PCDHB14: variants seen among roughly 807,000 people sequenced by gnomAD.
The protein encoded by PCDHB14 is protocadherin beta-14.
For synonymous variants in PCDHB14, 511 were observed against 441.5 expected (o/e 1.16, Z -1.97); for missense variants, 1,129 against 1,000.5 (o/e 1.13, Z -1.73).
In PCDHB14 at chr5:141,224,212, A is replaced by C; in HGVS notation, c.707A>C (p.Asn236Thr). 6.2e-7 allele frequency: 1 copy of C among 1,613,908 alleles called. No individual in the cohort carries two copies. The highest frequency in any genetic ancestry group is 1.7e-5 in the Admixed American group (1 of 60,010). ...TLVLIKVLDINDNAPEFPQSL... is the reference protein window; with the variant it reads ...TLVLIKVLDITDNAPEFPQSL... ...GTTCTCATCAAGGTGTTGGACATCA[A>C]TGATAATGCCCCTGAGTTTCCTCAG... Residue 236 changes from asparagine to threonine, a missense_variant, in exon 1 of 1, where the codon AAT (asparagine) becomes ACT (threonine). Physicochemically the swap from Asn to Thr is moderately conservative, Grantham distance 65. Transcript: ENST00000239449.
In PCDHB14 at chr5:141,224,740, A is replaced by C; in HGVS notation, c.1235A>C (p.Glu412Ala). 6.2e-7 allele frequency: 1 copy of C among 1,614,196 alleles called. No individual in the cohort carries two copies. Among genetic ancestry groups the C allele is most frequent in the South Asian group, 1.1e-5 (1 of 91,076 alleles). Residue 412 changes from glutamate to alanine, a missense_variant, in exon 1 of 1, where the codon GAG becomes GCG. Transcript: ENST00000239449. ...TLVSEKALDRESQAEYNITIT... is the reference protein window; with the variant it reads ...TLVSEKALDRASQAEYNITIT... Reference sequence around the variant, plus strand: ...GTTTCTGAAAAAGCACTGGACAGAGAGAGCCAAGCCGAGTACAACATCACG... The same window carrying C: ...GTTTCTGAAAAAGCACTGGACAGAGCGAGCCAAGCCGAGTACAACATCACG...
At position 141,223,541 on chromosome 5, in the gene PCDHB14, G is replaced by A; in HGVS notation, c.36G>A (p.Arg12=). 2 of 1,613,282 alleles carry A rather than the reference G, an allele frequency of 1.2e-6. No individual in the cohort carries two copies. The highest frequency in any genetic ancestry group is 1.7e-5 in the Admixed American group (1 of 59,964). Residue 12 remains arginine (R), a synonymous_variant, in exon 1 of 1, where the codon AGG becomes AGA. Transcript: ENST00000239449. The part of the protein sequence containing the change: ...EIRGALDLRK[R]QVLIFLVLLG... ...GAGGGGCACTCGATCTGCGAAAAAG[G>A]CAAGTTCTAATATTCCTTGTTTTGC... is the stretch of plus-strand genomic sequence containing the variant.
chr5:141,224,637 A>G lies in PCDHB14; in HGVS notation c.1132A>G (p.Asn378Asp). ...FSILDQDSGDNGRMICSIQDN... is the reference protein window; with the variant it reads ...FSILDQDSGDDGRMICSIQDN... Reference sequence around the variant, plus strand: ...TATCCTAGACCAAGACTCTGGAGACAATGGGAGGATGATTTGCTCTATTCA... The same window carrying G: ...TATCCTAGACCAAGACTCTGGAGACGATGGGAGGATGATTTGCTCTATTCA... The change falls in exon 1 of 1, where the codon AAT becomes GAT. Residue 378 changes from asparagine (N) to aspartate (D), a missense_variant. Coordinates refer to ENST00000239449, the MANE Select transcript of PCDHB14 (RefSeq NM_018934.4). 1 of 1,614,178 alleles carries G rather than the reference A, an allele frequency of 6.2e-7. No homozygotes were observed. The highest frequency in any genetic ancestry group is 8.5e-7 in the Non-Finnish European group (1 of 1,180,030).
Position 141,227,471 on chromosome 5 carries a change from T to C in PCDHB14, c.*1569T>C, listed in dbSNP as rs1014670682. The C allele has an allele frequency of 2.0e-5, 3 of 152,188 alleles. No homozygotes were observed. Among genetic ancestry groups the C allele is most frequent in the Non-Finnish European group, 4.4e-5 (3 of 68,020 alleles). The allele number at this position is 152,188 out of a possible 1,614,324, so 9.4% of individuals were successfully genotyped here. Reference sequence around the variant, plus strand: ...CTCTAAAAGAAAGTTCTATAGAAGATTATAGATAGAGATTTTGATAACTGG... The same window carrying C: ...CTCTAAAAGAAAGTTCTATAGAAGACTATAGATAGAGATTTTGATAACTGG... On this transcript the variant is annotated 3_prime_UTR_variant, in exon 1 of 1. Coordinates refer to ENST00000239449, the MANE Select transcript of PCDHB14 (RefSeq NM_018934.4).
chr5:141,225,738 C>G lies in PCDHB14; in HGVS notation c.2233C>G (p.Leu745Val). The G allele has an allele frequency of 6.2e-7, 1 of 1,614,216 alleles. No individual in the cohort carries two copies. Among genetic ancestry groups the G allele is most frequent in the Non-Finnish European group, 8.5e-7 (1 of 1,180,040 alleles). ...HLVDVSGTGT[L>V]SQSYQYEVCL... ...GGTGGACGTGAGCGGCACCGGGACCCTGTCCCAGAGCTACCAATACGAGGT... is the reference window on the plus strand; with the variant it reads ...GGTGGACGTGAGCGGCACCGGGACCGTGTCCCAGAGCTACCAATACGAGGT... Residue 745 changes from leucine (L) to valine (V), a missense_variant, in exon 1 of 1, where the codon CTG becomes GTG. By Grantham distance (32) the Leu-to-Val change is conservative. Transcript: ENST00000239449.
Position 141,224,330 on chromosome 5 carries a change from A to G in PCDHB14, c.825A>G (p.Gly275=). ...AGGATCTGGATGCAGGAAACTATGG[A>G]AAAATATCTTACACATTTTTCCATG... is the stretch of plus-strand genomic sequence containing the variant. ...SAKDLDAGNY[G]KISYTFFHAS... is the part of the protein sequence containing the mutation. The change falls in exon 1 of 1, where the codon GGA becomes GGG. Residue 275 remains glycine (G), a synonymous_variant. Transcript: ENST00000239449. 3.1e-6 allele frequency: 5 copies of G among 1,613,452 alleles called. No homozygotes were observed. Among genetic ancestry groups the G allele is most frequent in the Non-Finnish European group, 4.2e-6 (5 of 1,179,800 alleles).
chr5:141,225,975 T>C lies in PCDHB14; in HGVS notation c.*73T>C, dbSNP rs1754853168. On this transcript the variant is annotated 3_prime_UTR_variant, in exon 1 of 1. Transcript: ENST00000239449. ...ATGGTACTTTTTGCATAATCTTTTG[T>C]GGATTCTTGGTTGTACTGTAGTTGC... 1 of 1,373,314 alleles carries C rather than the reference T, an allele frequency of 7.3e-7. No individual in the cohort carries two copies. 85.1% of individuals were successfully genotyped at this position (1,373,314 alleles called of 1,614,324 possible).
chr5:141,224,664 G>C lies in PCDHB14; in HGVS notation c.1159G>C (p.Asp387His). 2 of 1,614,124 alleles carry C rather than the reference G, an allele frequency of 1.2e-6. No individual in the cohort carries two copies. Among genetic ancestry groups the C allele is most frequent in the East Asian group, 2.2e-5 (1 of 44,868 alleles). The change falls in exon 1 of 1, where the codon GAT (aspartate) becomes CAT (histidine). Residue 387 changes from aspartate to histidine, a missense_variant. By Grantham distance (81) the Asp-to-His change is moderately conservative. Coordinates refer to ENST00000239449, the MANE Select transcript of PCDHB14 (RefSeq NM_018934.4). ...TGGGAGGATGATTTGCTCTATTCAA[G>C]ATAACCTCCCTTTTTTCCTGAAACC... ...DNGRMICSIQDNLPFFLKPTF... is the reference protein window; with the variant it reads ...DNGRMICSIQHNLPFFLKPTF...
chr5:141,224,437 T>A lies in PCDHB14; in HGVS notation c.932T>A (p.Val311Glu). ...VNLRSPLDFEVIQSYTINIQA... is the reference protein window; with the variant it reads ...VNLRSPLDFEEIQSYTINIQA... ...TTGAGATCACCCCTGGATTTTGAAG[T>A]AATACAGTCCTACACTATAAATATT... The change falls in exon 1 of 1, where the codon GTA becomes GAA. Residue 311 changes from valine (V) to glutamate (E), a missense_variant. Val to Glu is a moderately radical substitution (Grantham distance 121, BLOSUM62 -2). Coordinates refer to ENST00000239449, the MANE Select transcript of PCDHB14 (RefSeq NM_018934.4). 1 of 1,608,530 alleles carries A rather than the reference T, an allele frequency of 6.2e-7. No individual in the cohort carries two copies. Among genetic ancestry groups the A allele is most frequent in the Non-Finnish European group, 8.5e-7 (1 of 1,177,888 alleles).
Position 141,225,213 on chromosome 5 carries a change from G to A in PCDHB14, c.1708G>A (p.Ala570Thr), listed in dbSNP as rs782091970. The change falls in exon 1 of 1, where the codon GCG becomes ACG. Residue 570 changes from alanine to threonine, a missense_variant. Transcript: ENST00000239449. ...FVLYPLQNGSAPCTELVPRAA... is the reference protein window; with the variant it reads ...FVLYPLQNGSTPCTELVPRAA... ...GCTGTACCCGCTGCAGAACGGCTCC[G>A]CGCCCTGCACCGAGCTGGTGCCCCG... 10 of 1,605,770 alleles carry A rather than the reference G, an allele frequency of 6.2e-6. No homozygotes were observed. The highest frequency in any genetic ancestry group is 1.7e-5 in the Admixed American group (1 of 59,818).
rs1263648848 is a variant in PCDHB14 at position 141,226,164 on chromosome 5, T to C, written c.*262T>C. ...TATTTTTGCTGTGATAATGGTATTATGCAAGACCATATTCTCAATTATTTG... is the reference window on the plus strand; with the variant it reads ...TATTTTTGCTGTGATAATGGTATTACGCAAGACCATATTCTCAATTATTTG... On this transcript the variant is annotated 3_prime_UTR_variant, in exon 1 of 1. Coordinates refer to ENST00000239449, the MANE Select transcript of PCDHB14 (RefSeq NM_018934.4). The C allele has an allele frequency of 1.4e-5, 6 of 418,434 alleles. No individual in the cohort carries two copies. The Admixed American group carries it at 1.7e-4, about 12-fold the overall frequency. The allele number at this position is 418,434 out of a possible 1,614,324, so 25.9% of individuals were successfully genotyped here. A position where few individuals can be genotyped will look rare whatever the true frequency, so the allele number is the denominator to read the frequency against.
In PCDHB14 at chr5:141,225,732, G is replaced by A. The variant is rs782445048; in HGVS notation, c.2227G>A (p.Gly743Arg). The A allele has an allele frequency of 7.4e-6, 12 of 1,614,118 alleles. No individual in the cohort carries two copies. In the South Asian group the frequency reaches 8.8e-5, roughly 12 times the overall value. Residue 743 changes from glycine to arginine, a missense_variant, in exon 1 of 1, where the codon GGG becomes AGG. Physicochemically the swap from Gly to Arg is moderately radical, Grantham distance 125. Transcript: ENST00000239449. ...GCATCTGGTGGACGTGAGCGGCACC[G>A]GGACCCTGTCCCAGAGCTACCAATA... ...PGHLVDVSGT[G>R]TLSQSYQYEV... is the part of the protein sequence containing the mutation.
chr5:141,225,320 G>A lies in PCDHB14; in HGVS notation c.1815G>A (p.Gln605=). The A allele has an allele frequency of 6.2e-7, 1 of 1,600,944 alleles. No homozygotes were observed. Among genetic ancestry groups the A allele is most frequent in the Non-Finnish European group, 8.5e-7 (1 of 1,178,610 alleles). ...DSGQNAWLSY[Q]LLKATEPGLF... is the part of the protein sequence containing the mutation. The stretch of plus-strand genomic sequence containing the variant: ...GCCAGAACGCCTGGCTGTCGTACCA[G>A]CTGCTCAAGGCCACGGAGCCCGGGC... Residue 605 remains glutamine (Q), a synonymous_variant, in exon 1 of 1, where the codon CAG becomes CAA. Coordinates refer to ENST00000239449, the MANE Select transcript of PCDHB14 (RefSeq NM_018934.4).
In PCDHB14 at chr5:141,224,403, GAAGTT is replaced by G. The variant is rs1563999232; in HGVS notation, c.901_905del (p.Val301PhefsTer8). 1 of 1,606,956 alleles carries G rather than the reference GAAGTT, an allele frequency of 6.2e-7. No individual in the cohort carries two copies. Among genetic ancestry groups the G allele is most frequent in the East Asian group, 2.2e-5 (1 of 44,856 alleles). On this transcript the variant is annotated frameshift_variant, in exon 1 of 1. Coordinates refer to ENST00000239449, the MANE Select transcript of PCDHB14 (RefSeq NM_018934.4). LOFTEE classifies it low-confidence loss of function (END_TRUNC). The stretch of plus-strand genomic sequence containing the variant: ...ATTTGAAATTAATCCAATATCTGGG[GAAGTT>G]AATTTGAGATCACCCCTGGATTTTG...
chr5:141,224,528 C>T lies in PCDHB14; in HGVS notation c.1023C>T (p.Asn341=). The T allele has an allele frequency of 1.2e-6, 2 of 1,612,634 alleles. No individual in the cohort carries two copies. Among genetic ancestry groups the T allele is most frequent in the Non-Finnish European group, 1.7e-6 (2 of 1,179,642 alleles). ...TTCTAGTTAAAGTTATGGATATAAACGACAACCCACCAGAAGTGACCATAT... is the reference window on the plus strand; with the variant it reads ...TTCTAGTTAAAGTTATGGATATAAATGACAACCCACCAGAAGTGACCATAT... ...CTLLVKVMDI[N]DNPPEVTISS... The change falls in exon 1 of 1, where the codon AAC becomes AAT. Residue 341 remains asparagine, a synonymous_variant. Coordinates refer to ENST00000239449, the MANE Select transcript of PCDHB14 (RefSeq NM_018934.4).
Position 141,226,000 on chromosome 5 carries a change from C to A in PCDHB14, c.*98C>A. ...TGGATTCTTGGTTGTACTGTAGTTG[C>A]ATGCATGATTATAGCTCTTGTTTTT... On this transcript the variant is annotated 3_prime_UTR_variant, in exon 1 of 1. Coordinates refer to ENST00000239449, the MANE Select transcript of PCDHB14 (RefSeq NM_018934.4). The A allele has an allele frequency of 1.9e-6, 2 of 1,072,622 alleles. No individual in the cohort carries two copies. Among genetic ancestry groups the A allele is most frequent in the Non-Finnish European group, 2.7e-6 (2 of 735,610 alleles). 66.4% of individuals were successfully genotyped at this position (1,072,622 alleles called of 1,614,324 possible).
Position 141,224,639 on chromosome 5 carries a change from T to A in PCDHB14, c.1134T>A (p.Asn378Lys), listed in dbSNP as rs782207494. 5 of 1,613,850 alleles carry A rather than the reference T, an allele frequency of 3.1e-6. No individual in the cohort carries two copies. Among genetic ancestry groups the A allele is most frequent in the Non-Finnish European group, 1.7e-6 (2 of 1,179,752 alleles). Residue 378 changes from asparagine (N) to lysine (K), a missense_variant, in exon 1 of 1, where the codon AAT becomes AAA. Transcript: ENST00000239449. Reference sequence around the variant, plus strand: ...TCCTAGACCAAGACTCTGGAGACAATGGGAGGATGATTTGCTCTATTCAAG... The same window carrying A: ...TCCTAGACCAAGACTCTGGAGACAAAGGGAGGATGATTTGCTCTATTCAAG... ...FSILDQDSGD[N>K]GRMICSIQDN...
Position 141,225,159 on chromosome 5 carries a change from C to T in PCDHB14, c.1654C>T (p.Leu552=). The T allele has an allele frequency of 6.2e-7, 1 of 1,611,330 alleles. No individual in the cohort carries two copies. The highest frequency in any genetic ancestry group is 8.5e-7 in the Non-Finnish European group (1 of 1,179,662). Residue 552 remains leucine (L), a synonymous_variant, in exon 1 of 1, where the codon CTG becomes TTG. Transcript: ENST00000239449. ...CGAGGCGCTGGTGCGCGTGCTGGTG[C>T]TGGACGCCAACGACAACTCGCCCTT... ...SSEALVRVLV[L]DANDNSPFVL...
In PCDHB14 at chr5:141,223,975, C is replaced by T; in HGVS notation, c.470C>T (p.Ala157Val). 1 of 1,613,704 alleles carries T rather than the reference C, an allele frequency of 6.2e-7. No homozygotes were observed. The highest frequency in any genetic ancestry group is 1.1e-5 in the South Asian group (1 of 90,962). ...GGAGCTACCTTTCTAATGGAGAGTGCTCAAGATTTGGATGTCGGAAGCAAC... is the reference window on the plus strand; with the variant it reads ...GGAGCTACCTTTCTAATGGAGAGTGTTCAAGATTTGGATGTCGGAAGCAAC... ...TVGATFLMES[A>V]QDLDVGSNSL... Residue 157 changes from alanine (A) to valine (V), a missense_variant, in exon 1 of 1, where the codon GCT (alanine) becomes GTT (valine). By Grantham distance (64) the Ala-to-Val change is moderately conservative. Coordinates refer to ENST00000239449, the MANE Select transcript of PCDHB14 (RefSeq NM_018934.4).
Sources: allele counts gnomAD v4.1 joint callset, GRCh38; gene constraint gnomAD v4.1.1; transcripts MANE v1.5; gene names NCBI Gene and HGNC (gene_info 2026-07-23, HGNC 2026-07-21).